Variants in CCDC102B observed in about 807,000 individuals in gnomAD.
CCDC102B encodes the protein coiled-coil domain-containing protein 102B.
Under a neutral mutation model 57.4 loss-of-function variants are expected in CCDC102B, and 75 were observed. That is an observed-to-expected ratio of 1.31 (90% CI 1.08 to 1.58). The LOEUF (loss-of-function observed/expected upper bound fraction) is 1.58, where lower values mean the gene tolerates loss of function less well. CCDC102B is among the 40% of genes most tolerant of loss of function. CCDC102B has a pLI of 0.00. For missense variants in CCDC102B, 636 were observed against 582.6 expected (o/e 1.09, Z -0.94); for synonymous variants, 206 against 201.9 (o/e 1.02, Z -0.17).
chr18:68,841,373 C>A (rs2037621781), intron 3 of CCDC102B, among the ~76,000 whole-genome samples: 1 of 152,130 alleles, frequency 6.6e-6, no homozygotes, highest in Admixed American at 6.6e-5. Context: ...TCTTTGCACT[C>A]TGAGTACTGT....
intron 7 of CCDC102B, among the ~76,000 whole-genome samples, chr18:69,043,962 C>T (rs1396810359): frequency 2.0e-5 from 3 of 152,042 alleles, no homozygotes; most frequent in Non-Finnish European, 2.9e-5. Context: ...AATTTTAGTT[C>T]AGAATGTCTG....
intron 6 of CCDC102B, among the ~76,000 whole-genome samples, chr18:68,931,553 A>G (rs771194467): frequency 6.6e-6 from 1 of 151,928 alleles, no homozygotes; most frequent in Non-Finnish European, 1.5e-5. Flanking sequence ...AAGGAGCCAC[A>G]GTTTATAAAC....
At chr18:68,878,460 T>C (rs1451186598) in intron 5 of CCDC102B, among the ~76,000 whole-genome samples, 1 of 152,164 alleles carries the variant, frequency 6.6e-6, no homozygotes, top group Non-Finnish European at 1.5e-5. Flanking sequence ...TGAATGTGTG[T>C]GTGTTCCCCA....
At chr18:68,801,987 G>A (rs1331706802) in intron 1 of CCDC102B, among the ~76,000 whole-genome samples, 1 of 152,036 alleles carries the variant, frequency 6.6e-6, no homozygotes, top group Non-Finnish European at 1.5e-5. Flanking sequence ...TTCTTCTCTG[G>A]ATGAGAAGAA....
intron 4 of CCDC102B, among the ~76,000 whole-genome samples, chr18:68,867,717 A>G (rs1420116397): frequency 3.3e-5 from 5 of 151,870 alleles, no homozygotes; most frequent in Non-Finnish European, 7.4e-5. Flanking sequence ...GGCGGATCAC[A>G]AGGTCAGGAG....
At chr18:68,764,184 C>T (rs542475324) in intron 2 of CCDC102B, among the ~76,000 whole-genome samples, 1 of 152,072 alleles carries the variant, frequency 6.6e-6, no homozygotes, top group Non-Finnish European at 1.5e-5. Flanking sequence ...CTGTCATTTC[C>T]TTTCTGTTAT....
chr18:68,868,452 C>T (rs1341445722), intron 4 of CCDC102B, among the ~76,000 whole-genome samples: 1 of 152,036 alleles, frequency 6.6e-6, no homozygotes, highest in African/African-American at 2.4e-5. Context: ...TGATCCAAGG[C>T]GTAAAATGCT....
intron 1 of CCDC102B, among the ~76,000 whole-genome samples, chr18:68,799,718 A>G (rs1271147426): frequency 6.6e-6 from 1 of 152,228 alleles, no homozygotes; most frequent in Non-Finnish European, 1.5e-5. Flanking sequence ...TGCTGAAAGC[A>G]AGAGGAATAC....
intron 6 of CCDC102B, among the ~76,000 whole-genome samples, chr18:68,916,652 T>C (rs539321661): frequency 1.3e-5 from 2 of 152,294 alleles, no homozygotes; most frequent in Non-Finnish European, 2.9e-5. Flanking sequence ...GTTGGCAAGA[T>C]ACACAATGTG....
chr18:68,953,315 AC>A (rs2049751501), intron 6 of CCDC102B, among the ~76,000 whole-genome samples: 1 of 150,482 alleles, frequency 6.6e-6, no homozygotes, highest in Non-Finnish European at 1.5e-5. Context: ...CCAAAAATAT[AC>A]AAAGGTTCCA....
rs150699920 is a variant in CCDC102B at position 68,962,899 on chromosome 18, G to A, written c.1264-48035G>A. On this transcript the variant is annotated intron_variant, in intron 6 of 7. Coordinates refer to ENST00000360242, the MANE Select transcript of CCDC102B (RefSeq NM_024781.3). ...TTTCCCTGAATCAAATGCATTTCAC[G>A]ACTCCTTCTTTCCAATTACACTTAG... is the stretch of plus-strand genomic sequence containing the variant. Among the ~76,000 whole-genome samples, 201 of 151,946 alleles carry A rather than the reference G, an allele frequency of 1.3e-3. 1 individual carries two copies. Among genetic ancestry groups the A allele is most frequent in the African/African-American group, 4.3e-3 (179 of 41,492 alleles).
At chr18:68,779,286 G>C (rs2034927438) in intron 2 of CCDC102B, among the ~76,000 whole-genome samples, 1 of 152,124 alleles carries the variant, frequency 6.6e-6, no homozygotes, top group Non-Finnish European at 1.5e-5. Flanking sequence ...AGAACTATAG[G>C]AAGTAGGCCA....
chr18:68,821,695 G>A (rs2036696039), intron 1 of CCDC102B, among the ~76,000 whole-genome samples: 1 of 151,086 alleles, frequency 6.6e-6, no homozygotes. Context: ...ATATATGTGT[G>A]TATATATATA....
intron 6 of CCDC102B, among the ~76,000 whole-genome samples, chr18:68,903,980 T>C (rs1284702198): frequency 6.6e-6 from 1 of 152,224 alleles, no homozygotes; most frequent in Non-Finnish European, 1.5e-5. Flanking sequence ...CAAAAATAGT[T>C]TATTTCATCA....
chr18:68,953,384 G>A (rs1223575933), intron 6 of CCDC102B, among the ~76,000 whole-genome samples: 9 of 137,690 alleles, frequency 6.5e-5, no homozygotes, highest in African/African-American at 1.1e-4. Context: ...TGACAACAGC[G>A]GTCCTTACAA....
At chr18:68,899,306 C>A (rs112975074) in intron 6 of CCDC102B, among the ~76,000 whole-genome samples, 3 of 151,958 alleles carry the variant, frequency 2.0e-5, no homozygotes, top group African/African-American at 7.2e-5. Context: ...ACAGAACATG[C>A]CAAGGTTTAG....
chr18:68,892,642 A>G (rs1049623368), intron 5 of CCDC102B, among the ~76,000 whole-genome samples: 4 of 152,132 alleles, frequency 2.6e-5, no homozygotes, highest in Non-Finnish European at 5.9e-5. Flanking sequence ...TAAACTATGC[A>G]ATTTTCAAAG....
intron 2 of CCDC102B, among the ~76,000 whole-genome samples, chr18:68,787,244 G>C (rs1047623497): frequency 6.6e-6 from 1 of 150,652 alleles, no homozygotes; most frequent in Non-Finnish European, 1.5e-5. Context: ...ATTTTATTGA[G>C]GATTTTTGCA....
chr18:69,035,040 G>A (rs558496393), intron 7 of CCDC102B, among the ~76,000 whole-genome samples: 6 of 151,826 alleles, frequency 4.0e-5, no homozygotes, highest in Non-Finnish European at 8.8e-5. Context: ...TTATAAGCAA[G>A]CATTTTACCT....
Sources: allele counts gnomAD v4.1 joint callset (sites outside exome capture counted in the v4.1 genomes callset), GRCh38; gene constraint gnomAD v4.1.1; transcripts MANE v1.5; gene names NCBI Gene and HGNC (gene_info 2026-07-23, HGNC 2026-07-21).